GRID2: variants seen among roughly 807,000 people sequenced by gnomAD.
GRID2 encodes glutamate receptor ionotropic, delta-2.
In GRID2, 33 loss-of-function variants were observed where a neutral mutation model predicts 114.8. The observed-to-expected ratio is 0.29, with a 90% CI of 0.22 to 0.38. The LOEUF (loss-of-function observed/expected upper bound fraction) is 0.38. GRID2 is among the 10% of genes least tolerant of loss of function. The pLI, the probability that GRID2 is intolerant of heterozygous loss-of-function variation, is 1.00. For synonymous variants in GRID2, 505 were observed against 449.9 expected (o/e 1.12, Z -1.55); for missense variants, 1,184 against 1,257.7 (o/e 0.94, Z 0.89).
chr4:92,375,579 G>A (rs954194862), intron 1 of GRID2, among the ~76,000 whole-genome samples: 2 of 152,152 alleles, frequency 1.3e-5, no homozygotes, highest in Non-Finnish European at 2.9e-5. Context: ...AAATAAGAAA[G>A]TGAGAGAAAA....
chr4:92,790,312 T>C (rs1022345442), intron 2 of GRID2, among the ~76,000 whole-genome samples: 2 of 151,846 alleles, frequency 1.3e-5, no homozygotes, highest in Non-Finnish European at 2.9e-5. Context: ...TAAAACTTTT[T>C]CCTAACCTTT....
At chr4:93,359,619 T>A (rs1324170835) in intron 8 of GRID2, among the ~76,000 whole-genome samples, 1 of 151,186 alleles carries the variant, frequency 6.6e-6, no homozygotes, top group African/African-American at 2.4e-5. Flanking sequence ...TGACTATAAG[T>A]TCAATTGTTT....
intron 2 of GRID2, among the ~76,000 whole-genome samples, chr4:92,703,225 T>A (rs1306589449): frequency 6.6e-6 from 1 of 152,120 alleles, no homozygotes; most frequent in African/African-American, 2.4e-5. Context: ...GAGAAAGACA[T>A]ATATCTATTT....
chr4:92,540,831 G>A (rs1725902876), intron 1 of GRID2, among the ~76,000 whole-genome samples: 1 of 152,172 alleles, frequency 6.6e-6, no homozygotes, highest in African/African-American at 2.4e-5. Context: ...CTGCTATAAA[G>A]ACACATGCAC....
chr4:93,192,244 C>T (rs370535654), intron 4 of GRID2, among the ~76,000 whole-genome samples: 35 of 152,164 alleles, frequency 2.3e-4, no homozygotes, highest in African/African-American at 3.1e-4. Context: ...CACACCTCAC[C>T]GAAAGAACTT....
At chr4:93,132,785 C>T (rs1025411022) in intron 4 of GRID2, among the ~76,000 whole-genome samples, 11 of 152,112 alleles carry the variant, frequency 7.2e-5, no homozygotes, top group African/African-American at 2.7e-4. Flanking sequence ...TAAGAATTCA[C>T]ACAGAAAAGT....
At chr4:93,593,909 C>A (rs1237919297) in intron 13 of GRID2, among the ~76,000 whole-genome samples, 1 of 151,972 alleles carries the variant, frequency 6.6e-6, no homozygotes, top group East Asian at 2.0e-4. Flanking sequence ...GGTCCATCAG[C>A]TCCTTTAAGC....
chr4:92,595,669 G>C (rs1728915413), intron 2 of GRID2, among the ~76,000 whole-genome samples: 1 of 151,816 alleles, frequency 6.6e-6, no homozygotes, highest in Non-Finnish European at 1.5e-5. Flanking sequence ...CAATAAAACT[G>C]CATTCATTTT....
chr4:93,208,078 G>A (rs1353575040), intron 5 of GRID2, among the ~76,000 whole-genome samples: 1 of 151,908 alleles, frequency 6.6e-6, no homozygotes. Flanking sequence ...ACAATGAGCA[G>A]GTCAGTCATG....
At chr4:93,677,979 C>A (rs554438851) in intron 14 of GRID2, among the ~76,000 whole-genome samples, 1 of 151,698 alleles carries the variant, frequency 6.6e-6, no homozygotes, top group East Asian at 1.9e-4. Context: ...CAAACTACTC[C>A]GAGCTACAGG....
chr4:92,923,000 T>C (rs1560705384), intron 2 of GRID2, among the ~76,000 whole-genome samples: 1 of 152,218 alleles, frequency 6.6e-6, no homozygotes, highest in Non-Finnish European at 1.5e-5. Context: ...GAAAATACCA[T>C]TAAACTTTAC....
intron 8 of GRID2, among the ~76,000 whole-genome samples, chr4:93,355,500 G>A (rs567268015): frequency 2.0e-5 from 3 of 152,066 alleles, no homozygotes; most frequent in Non-Finnish European, 4.4e-5. Context: ...AAGAGCAAGT[G>A]TTCCAAGAGG....
intron 2 of GRID2, among the ~76,000 whole-genome samples, chr4:92,776,339 T>G (rs1042346602): frequency 1.2e-4 from 19 of 152,250 alleles, no homozygotes; most frequent in African/African-American, 4.6e-4. Flanking sequence ...TGAGTCGTAT[T>G]TGCTCACTGC....
chr4:92,530,491 A>T (rs1424553976), intron 1 of GRID2, among the ~76,000 whole-genome samples: 1 of 141,560 alleles, frequency 7.1e-6, no homozygotes, highest in Non-Finnish European at 1.5e-5. Context: ...ACCACAAAAA[A>T]GTGAGTGACT....
At chr4:93,024,130 A>G (rs1723658354) in intron 2 of GRID2, among the ~76,000 whole-genome samples, 1 of 151,808 alleles carries the variant, frequency 6.6e-6, no homozygotes, top group South Asian at 2.1e-4. Flanking sequence ...TTAATTCAAA[A>G]CCTGGCATTT....
chr4:92,929,171 C>T (rs926798779), intron 2 of GRID2, among the ~76,000 whole-genome samples: 1 of 151,330 alleles, frequency 6.6e-6, no homozygotes, highest in Non-Finnish European at 1.5e-5. Context: ...TCAGCATCAG[C>T]TTTAAAAGAA....
chr4:92,639,300 T>A (rs1025162903), intron 2 of GRID2, among the ~76,000 whole-genome samples: 2 of 151,882 alleles, frequency 1.3e-5, no homozygotes, highest in African/African-American at 4.8e-5. Flanking sequence ...TATATATAGA[T>A]CTTATGTATG....
intron 1 of GRID2, among the ~76,000 whole-genome samples, chr4:92,414,198 A>C (rs1731480049): frequency 6.6e-6 from 1 of 152,134 alleles, no homozygotes; most frequent in Non-Finnish European, 1.5e-5. Context: ...GAAGCTAACA[A>C]TTTATTAGAA....
At chr4:92,599,006 T>A (rs977254335) in intron 2 of GRID2, among the ~76,000 whole-genome samples, 1 of 151,176 alleles carries the variant, frequency 6.6e-6, no homozygotes, top group Admixed American at 6.6e-5. Flanking sequence ...TGGTTTTAAA[T>A]ATATATAATG....
Sources: allele counts gnomAD v4.1 joint callset (sites outside exome capture counted in the v4.1 genomes callset), GRCh38; gene constraint gnomAD v4.1.1; transcripts MANE v1.5; gene names NCBI Gene and HGNC (gene_info 2026-07-23, HGNC 2026-07-21).